The following FRMPD4 variants were observed in gnomAD, a reference collection of about 807,000 sequenced individuals.
FRMPD4 encodes FERM and PDZ domain-containing protein 4.
In FRMPD4, 22 loss-of-function variants were observed where a neutral mutation model predicts 94.1. The observed-to-expected ratio is 0.23, with a 90% CI of 0.17 to 0.33. The LOEUF (loss-of-function observed/expected upper bound fraction) is 0.33, where lower values mean the gene tolerates loss of function less well. Ranked by LOEUF, FRMPD4 falls within the 10% of genes least tolerant of loss-of-function variation. The pLI, the probability that FRMPD4 is intolerant of heterozygous loss-of-function variation, is 1.00. For synonymous variants in FRMPD4, 631 were observed against 548.6 expected (o/e 1.15, Z -2.10); for missense variants, 1,111 against 1,339.9 (o/e 0.83, Z 2.67).
intron 3 of FRMPD4, among the ~76,000 whole-genome samples, chrX:12,004,746 T>C (rs2054542214): frequency 9.3e-6 from 1 of 107,957 alleles, no homozygotes; most frequent in African/African-American, 3.4e-5. Flanking sequence ...CTGCTGCCTC[T>C]CACTGCCAGG....
At chrX:12,709,845 G>A (rs1232882124) in intron 13 of FRMPD4, among the ~76,000 whole-genome samples, 2 of 111,381 alleles carry the variant, frequency 1.8e-5, no homozygotes, top group African/African-American at 6.5e-5. Context: ...TATGACTGGG[G>A]GTCCAGGTGC....
In FRMPD4 at chrX:12,294,923, T is replaced by C. The variant is rs1183831751; in HGVS notation, c.41+155911T>C. 5.3e-5 allele frequency among the ~76,000 whole-genome samples: 6 copies of C among 112,182 alleles called. No homozygotes were observed. In the East Asian group the frequency reaches 1.1e-3, roughly 21 times the overall value. ...GATGGAATCCTATTTCTCAAGTTCA[T>C]AGGATTCAAGTATAAAAAAATGTGT... On this transcript the variant is annotated intron_variant, in intron 1 of 16. Coordinates refer to ENST00000675598, the MANE Select transcript of FRMPD4 (RefSeq NM_001368397.1).
At chrX:12,129,606 C>T (rs2055530631) in intron 3 of FRMPD4, among the ~76,000 whole-genome samples, 1 of 111,805 alleles carries the variant, frequency 8.9e-6, no homozygotes, top group South Asian at 3.8e-4. Flanking sequence ...TCACGGCTAC[C>T]CATCCTCTTA....
rs866093241 is a variant in FRMPD4, at chrX:12,723,919, A to C, written c.*2061A>C. On this transcript the variant is annotated 3_prime_UTR_variant, in exon 17 of 17. Coordinates refer to ENST00000675598, the MANE Select transcript of FRMPD4 (RefSeq NM_001368397.1). ...AAAATCAATTATAAGATCGATTTCC[A>C]TAGGGTTGTCATGAGTTTTGAGTAA... 1 of 111,849 alleles carries C rather than the reference A, an allele frequency of 8.9e-6. No individual in the cohort carries two copies. Among genetic ancestry groups the C allele is most frequent in the Non-Finnish European group, 1.9e-5 (1 of 53,208 alleles). The allele number at this position is 111,849 out of a possible 1,213,427, so 9.2% of individuals were successfully genotyped here. A position where few individuals can be genotyped will look rare whatever the true frequency, so the allele number is the denominator to read the frequency against.
intron 1 of FRMPD4, among the ~76,000 whole-genome samples, chrX:11,839,009 T>C (rs1485120507): frequency 8.9e-6 from 1 of 111,941 alleles, no homozygotes; most frequent in Non-Finnish European, 1.9e-5. Flanking sequence ...GGAAGTAGAA[T>C]TGCTGGCTTG....
intron 1 of FRMPD4, among the ~76,000 whole-genome samples, chrX:12,452,011 G>T (rs2057278569): frequency 9.1e-6 from 1 of 109,966 alleles, no homozygotes; most frequent in African/African-American, 3.3e-5. Context: ...CAGAAGAGAT[G>T]CTGTATAATT....
intron 1 of FRMPD4, among the ~76,000 whole-genome samples, chrX:12,231,048 A>ATATATATATATATATATAT (rs1387528584): frequency 1.3e-4 from 4 of 31,846 alleles, no homozygotes; most frequent in African/African-American, 4.1e-4. Flanking sequence ...ATATATATAT[A>ATATATATATATATATATAT]AAATATATAT....
chrX:12,168,366 GGA>G lies in FRMPD4; in HGVS notation c.41+29355_41+29356del, dbSNP rs1491316279. Among the ~76,000 whole-genome samples, 435 of 52,860 alleles carry G rather than the reference GGA, an allele frequency of 8.2e-3. 3 individuals carry two copies. The highest frequency in any genetic ancestry group is 0.031 in the African/African-American group (414 of 13,424). The allele number at this position is 52,860 out of a possible 115,157, so 45.9% of individuals were successfully genotyped here. The stretch of plus-strand genomic sequence containing the variant: ...CTAATAGGGATTCAAAGCCAGATTG[GGA>G]AAAAAAAAAAAAAACAACTCTCCAA... On this transcript the variant is annotated intron_variant, in intron 1 of 16. Transcript: ENST00000675598.
intron 1 of FRMPD4, among the ~76,000 whole-genome samples, chrX:12,394,452 A>G (rs1487090076): frequency 1.8e-5 from 2 of 111,342 alleles, no homozygotes; most frequent in African/African-American, 6.5e-5. Flanking sequence ...TTTTAATTGC[A>G]TTTCCAGACA....
intron 3 of FRMPD4, among the ~76,000 whole-genome samples, chrX:11,953,744 T>C (rs1201207213): frequency 2.7e-5 from 3 of 111,772 alleles, no homozygotes; most frequent in African/African-American, 9.8e-5. Context: ...CAGCCAGTTC[T>C]CTTAAGGGGC....
intron 3 of FRMPD4, among the ~76,000 whole-genome samples, chrX:11,903,763 A>C (rs895769416): frequency 2.7e-5 from 3 of 111,497 alleles, no homozygotes; most frequent in Non-Finnish European, 5.6e-5. Context: ...TTTGATTTCT[A>C]ATATGTCCTG....
intron 1 of FRMPD4, among the ~76,000 whole-genome samples, chrX:12,488,427 C>G (rs757921477): frequency 5.4e-5 from 6 of 111,828 alleles, no homozygotes; most frequent in Non-Finnish European, 9.4e-5. Context: ...TTTTGGAAAG[C>G]AGCCACTAGA....
chrX:12,590,645 T>C (rs1273217516), intron 2 of FRMPD4, among the ~76,000 whole-genome samples: 1 of 112,307 alleles, frequency 8.9e-6, no homozygotes, highest in Non-Finnish European at 1.9e-5. Context: ...CGAAGTATTC[T>C]TTGCACACAA....
rs777549361 is a variant in FRMPD4 at position 12,689,432 on chromosome X, G to A, written c.682-763G>A. 4.5e-5 allele frequency among the ~76,000 whole-genome samples: 5 copies of A among 111,998 alleles called. No homozygotes were observed. In the South Asian group the frequency reaches 1.1e-3, roughly 25 times the overall value. ...GTGAACTCATTTAATCTTTATATCC[G>A]TTCTGAGATAAGCATTATTATTATC... On this transcript the variant is annotated intron_variant, in intron 7 of 16. Transcript: ENST00000675598.
chrX:12,443,790 C>T (rs1390120713), intron 1 of FRMPD4, among the ~76,000 whole-genome samples: 1 of 111,818 alleles, frequency 8.9e-6, no homozygotes, highest in Non-Finnish European at 1.9e-5. Flanking sequence ...GATGTTTTTG[C>T]TTTTTGTGGA....
chrX:12,427,726 C>G (rs1444490503), intron 1 of FRMPD4, among the ~76,000 whole-genome samples: 1 of 111,035 alleles, frequency 9.0e-6, no homozygotes, highest in Non-Finnish European at 1.9e-5. Context: ...CTTTCCCCTG[C>G]CTTGCCCTGC....
At chrX:12,035,344 A>G (rs1307096966) in intron 3 of FRMPD4, among the ~76,000 whole-genome samples, 1 of 111,632 alleles carries the variant, frequency 9.0e-6, no homozygotes, top group Non-Finnish European at 1.9e-5. Context: ...ATTCAAGATC[A>G]GTAAATGGAT....
intron 1 of FRMPD4, among the ~76,000 whole-genome samples, chrX:12,187,473 G>T (rs1190075922): frequency 9.0e-6 from 1 of 111,492 alleles, no homozygotes; most frequent in Non-Finnish European, 1.9e-5. Flanking sequence ...TTTTAAGAAT[G>T]AATTTGTTTT....
chrX:12,339,619 AT>A lies in FRMPD4; in HGVS notation c.42-159046del, dbSNP rs767456295. Among the ~76,000 whole-genome samples, 267 of 101,592 alleles carry A rather than the reference AT, an allele frequency of 2.6e-3. 2 individuals carry two copies. The highest frequency in any genetic ancestry group is 6.0e-3 in the South Asian group (14 of 2,337). The allele number at this position is 101,592 out of a possible 115,157, so 88.2% of individuals were successfully genotyped here. ...AGCATCATTGGAAAAAGTTTAATGA[AT>A]TTTTTTTTTTTTTTGAGATGGAATC... On this transcript the variant is annotated intron_variant, in intron 1 of 16. Transcript: ENST00000675598.
Sources: gnomAD v4.1 joint callset for allele counts (sites outside exome capture counted in the v4.1 genomes callset) on GRCh38, gnomAD v4.1.1 for gene constraint, MANE v1.5 for transcripts, NCBI Gene and HGNC (gene_info 2026-07-23, HGNC 2026-07-21) for gene names.